UNC13C: variants seen among roughly 807,000 people sequenced by gnomAD.
The protein encoded by UNC13C is protein unc-13 homolog C.
UNC13C carries 174 observed loss-of-function variants against 245.4 expected under a neutral mutation model. The observed-to-expected ratio is 0.71, with a 90% CI of 0.63 to 0.80. The LOEUF is 0.80. UNC13C is among the 30% of genes least tolerant of loss of function. The pLI is 0.00. For synonymous variants in UNC13C, 992 were observed against 895.1 expected (o/e 1.11, Z -1.93); for missense variants, 2,829 against 2,602.9 (o/e 1.09, Z -1.89).
At chr15:54,553,432 TATATA>T (rs1350199618) in intron 28 of UNC13C, among the ~76,000 whole-genome samples, 1 of 134,374 alleles carries the variant, frequency 7.4e-6, no homozygotes, top group African/African-American at 2.7e-5. Context: ...TTATATATAA[TATATA>T]ATATAATTAT....
intron 4 of UNC13C, among the ~76,000 whole-genome samples, chr15:54,200,005 G>C (rs188833092): frequency 2.1e-4 from 32 of 152,056 alleles, no homozygotes; most frequent in Admixed American, 1.7e-3. Flanking sequence ...CCATGCAAAT[G>C]GACACCAAAA....
At chr15:54,594,940 G>T (rs1375707863) in intron 30 of UNC13C, among the ~76,000 whole-genome samples, 1 of 152,224 alleles carries the variant, frequency 6.6e-6, no homozygotes, top group African/African-American at 2.4e-5. Context: ...AGAGCTCTTG[G>T]GCTCTGCCCA....
chr15:54,320,914 C>T (rs2038137403), intron 13 of UNC13C: 1 of 343,122 alleles, frequency 2.9e-6, no homozygotes, highest in Non-Finnish European at 5.7e-6. Context: ...TTGTAGCTTC[C>T]ACTACTTCCG....
chr15:54,271,844 A>C (rs976663070), intron 10 of UNC13C, among the ~76,000 whole-genome samples: 3 of 152,224 alleles, frequency 2.0e-5, no homozygotes, highest in African/African-American at 7.2e-5. Flanking sequence ...ATGGTAGTTA[A>C]GTATTCTACG....
chr15:53,967,225 T>C, the UNC13C span, among the ~76,000 whole-genome samples: 2 of 152,148 alleles, frequency 1.3e-5, no homozygotes, highest in African/African-American at 2.4e-5. Context: ...TCATTATGCT[T>C]CATATACTCA....
intron 30 of UNC13C, 44 bp from the exon 31 acceptor site, chr15:54,622,283 A>G (rs1433134279): frequency 3.1e-6 from 4 of 1,293,202 alleles, no homozygotes; most frequent in African/African-American, 2.9e-5. Flanking sequence ...TCCATTATTA[A>G]TGAGTCTGAA....
chr15:54,353,563 T>A (rs2039031072), intron 17 of UNC13C, among the ~76,000 whole-genome samples: 1 of 152,216 alleles, frequency 6.6e-6, no homozygotes, highest in African/African-American at 2.4e-5. Flanking sequence ...TCACTTTCGT[T>A]GGGCTTCTGC....
intron 7 of UNC13C, among the ~76,000 whole-genome samples, chr15:54,241,888 A>G (rs866970982): frequency 6.6e-6 from 1 of 152,148 alleles, no homozygotes; most frequent in Admixed American, 6.5e-5. Context: ...CAATAATGAC[A>G]CCAAAGTAAA....
intron 2 of UNC13C, among the ~76,000 whole-genome samples, chr15:54,054,455 G>C (rs1387289820): frequency 1.3e-5 from 2 of 152,242 alleles, no homozygotes; most frequent in East Asian, 3.9e-4. Context: ...CCTGCTAACA[G>C]AATTTTGTGA....
intron 18 of UNC13C, among the ~76,000 whole-genome samples, chr15:54,410,613 G>GA (rs2040397120): frequency 6.6e-6 from 1 of 152,008 alleles, no homozygotes; most frequent in Non-Finnish European, 1.5e-5. Flanking sequence ...TTTATTAAAT[G>GA]GGGAGTCGTT....
the UNC13C span, among the ~76,000 whole-genome samples, chr15:53,894,473 T>G: frequency 3.9e-5 from 6 of 152,204 alleles, no homozygotes; most frequent in Non-Finnish European, 7.3e-5. Context: ...GTATCAATTT[T>G]CCAGCTTTCC....
At chr15:54,192,553 C>T (rs116389039) in intron 4 of UNC13C, among the ~76,000 whole-genome samples, 120 of 152,274 alleles carry the variant, frequency 7.9e-4, no homozygotes, top group African/African-American at 2.7e-3. Flanking sequence ...TAACATCTTA[C>T]TCATCACATT....
rs1052820455 is a variant in UNC13C at position 54,493,478 on chromosome 15, G to A, written c.4934-1130G>A. 3.9e-5 allele frequency among the ~76,000 whole-genome samples: 6 copies of A among 151,998 alleles called. No individual in the cohort carries two copies. In the East Asian group the frequency reaches 1.2e-3, roughly 29 times the overall value. On this transcript the variant is annotated intron_variant, in intron 19 of 32. Coordinates refer to ENST00000260323, the MANE Select transcript of UNC13C (RefSeq NM_001080534.3). ...AGATAATTTGGAAATGTTTGACCTGGGGTTGAGTTCTCTCTTATGTTCACG... is the reference window on the plus strand; with the variant it reads ...AGATAATTTGGAAATGTTTGACCTGAGGTTGAGTTCTCTCTTATGTTCACG...
chr15:54,255,377 G>A (rs144021631), intron 8 of UNC13C, among the ~76,000 whole-genome samples: 6 of 152,272 alleles, frequency 3.9e-5, no homozygotes, highest in African/African-American at 9.6e-5. Context: ...GAGTCAGGCC[G>A]CTTGGAGGCC....
intron 1 of UNC13C, among the ~76,000 whole-genome samples, chr15:54,010,226 A>G (rs909914766): frequency 6.6e-6 from 1 of 152,204 alleles, no homozygotes; most frequent in African/African-American, 2.4e-5. Flanking sequence ...TCTATTATGT[A>G]TAAAGGAATA....
At chr15:53,957,624 G>A in the UNC13C span, among the ~76,000 whole-genome samples, 1 of 152,112 alleles carries the variant, frequency 6.6e-6, no homozygotes, top group African/African-American at 2.4e-5. Flanking sequence ...TCTACCCTAA[G>A]CAAATCATTT....
chr15:54,038,120 A>AATTTTTT (rs1896656082), intron 2 of UNC13C, among the ~76,000 whole-genome samples: 1 of 45,204 alleles, frequency 2.2e-5, no homozygotes, highest in Non-Finnish European at 3.6e-5. Flanking sequence ...ATATATATAT[A>AATTTTTT]TATATTTTTT....
chr15:54,104,234 G>C (rs1197424339), intron 2 of UNC13C, among the ~76,000 whole-genome samples: 2 of 152,158 alleles, frequency 1.3e-5, no homozygotes, highest in Non-Finnish European at 2.9e-5. Context: ...ACGATGCCTG[G>C]ATTCTATATC....
intron 1 of UNC13C, among the ~76,000 whole-genome samples, chr15:53,986,213 C>A (rs1894134433): frequency 6.6e-6 from 1 of 152,036 alleles, no homozygotes; most frequent in Non-Finnish European, 1.5e-5. Context: ...AACAAAAGGT[C>A]TGAGCAAAAT....
Sources: allele counts gnomAD v4.1 joint callset (sites outside exome capture counted in the v4.1 genomes callset), GRCh38; gene constraint gnomAD v4.1.1; transcripts MANE v1.5; gene names NCBI Gene and HGNC (gene_info 2026-07-23, HGNC 2026-07-21).